ZNF681: variants seen among roughly 807,000 people sequenced by gnomAD.
The protein encoded by ZNF681 is hypothetical protein FLJ31526.
In ZNF681, 37 loss-of-function variants were observed where a neutral mutation model predicts 56.0. The observed-to-expected ratio is 0.66, with a 90% CI of 0.51 to 0.87. The LOEUF is 0.87. Among genes scored for constraint, ZNF681 ranks in the 40% least tolerant of loss-of-function variants. The pLI is 0.00. For missense variants in ZNF681, 741 were observed against 744.9 expected (o/e 0.99, Z 0.06); for synonymous variants, 225 against 248.6 (o/e 0.91, Z 0.89).
rs557585895 is a variant in ZNF681 at position 23,744,702 on chromosome 19, T to C, written c.848A>G (p.Lys283Arg). The C allele has an allele frequency of 1.6e-5, 26 of 1,596,600 alleles. No homozygotes were observed. The South Asian group carries it at 2.6e-4, about 16-fold the overall frequency. ...TIIHTGENPYKREECDKAFNQ... is the reference protein window; with the variant it reads ...TIIHTGENPYRREECDKAFNQ... ...AAAGGCTTTGTCACATTCTTCACGT[T>C]TGTAGGGATTCTCTCCAGTATGAAT... The change falls in exon 4 of 4, where the codon AAA becomes AGA. Residue 283 changes from lysine to arginine, a missense_variant. Lys to Arg is a conservative substitution (Grantham distance 26). Coordinates refer to ENST00000402377, the MANE Select transcript of ZNF681 (RefSeq NM_138286.3).
Position 23,753,110 on chromosome 19 carries a change from T to A in ZNF681, c.226+1713A>T, listed in dbSNP as rs578138301. On this transcript the variant is annotated intron_variant, in intron 3 of 3. Transcript: ENST00000402377. ...ATCGGATAAAATATTTAAAAAATCTTATTTACAGCCAGGCATGGTGGCTCA... is the reference window on the plus strand; with the variant it reads ...ATCGGATAAAATATTTAAAAAATCTAATTTACAGCCAGGCATGGTGGCTCA... Among the ~76,000 whole-genome samples the A allele has an allele frequency of 2.0e-4, 5 of 25,062 alleles. No individual in the cohort carries two copies. The Admixed American group carries it at 2.3e-3, about 11-fold the overall frequency. 16.4% of individuals were successfully genotyped at this position (25,062 alleles called of 152,430 possible).
Position 23,745,235 on chromosome 19 carries a change from T to C in ZNF681, c.315A>G (p.Lys105=). The C allele has an allele frequency of 1.2e-6, 2 of 1,611,574 alleles. No homozygotes were observed. Among genetic ancestry groups the C allele is most frequent in the Non-Finnish European group, 1.7e-6 (2 of 1,179,334 alleles). The change falls in exon 4 of 4, where the codon AAA becomes AAG. Residue 105 remains lysine, a synonymous_variant. Coordinates refer to ENST00000402377, the MANE Select transcript of ZNF681 (RefSeq NM_138286.3). ...FQKVTPRRYG[K]CEHENLQLSK... ...TTAACTGTAAATTCTCATGTTCACA[T>C]TTTCCATATCTTCTTGGTGTCACTT...
intron 3 of ZNF681, 125 bp from the exon 4 acceptor site, chr19:23,745,448 A>G: frequency 1.4e-6 from 1 of 705,992 alleles, no homozygotes; most frequent in East Asian, 3.4e-5. Context: ...CAAAGGCCCT[A>G]ATTTTTTTTT....
At position 23,745,054 on chromosome 19, in the gene ZNF681, TG is replaced by T; in HGVS notation, c.495del (p.Arg166GlufsTer20). 1 of 1,595,964 alleles carries T rather than the reference TG, an allele frequency of 6.3e-7. No homozygotes were observed. The highest frequency in any genetic ancestry group is 1.7e-5 in the Admixed American group (1 of 57,536). On this transcript the variant is annotated frameshift_variant, in exon 4 of 4. Coordinates refer to ENST00000402377, the MANE Select transcript of ZNF681 (RefSeq NM_138286.3). LOFTEE classifies it high-confidence loss of function. ...TCTTTATATTTAAAAGGTTTTTTTC[TG>T]GTGTGTCTTACCTTATGTCCATTTA... ...SNLNGHKVRH[T>X]RKKPFKYKEF...
At chr19:23,750,316 T>A (rs1227904835) in intron 3 of ZNF681, among the ~76,000 whole-genome samples, 7 of 133,250 alleles carry the variant, frequency 5.3e-5, no homozygotes, top group Admixed American at 4.6e-4. Context: ...AAAAAACAAC[T>A]AAGAAAGAAT....
At position 23,739,692 on chromosome 19, in the gene ZNF681, C is replaced by G. The variant is rs577071740; in HGVS notation, c.*3920G>C. The G allele has an allele frequency of 1.3e-5, 2 of 151,994 alleles. No individual in the cohort carries two copies. Among genetic ancestry groups the G allele is most frequent in the Non-Finnish European group, 2.9e-5 (2 of 68,020 alleles). 9.4% of individuals were successfully genotyped at this position (151,994 alleles called of 1,614,324 possible). On this transcript the variant is annotated 3_prime_UTR_variant, in exon 4 of 4. Transcript: ENST00000402377. The stretch of plus-strand genomic sequence containing the variant: ...TGTGAACACAGTAAACAAGTTTGCA[C>G]GCAAAATAATAGAAAATGTTTTTAT...
chr19:23,749,393 T>A (rs1481379513), intron 3 of ZNF681, among the ~76,000 whole-genome samples: 1 of 152,152 alleles, frequency 6.6e-6, no homozygotes, highest in Non-Finnish European at 1.5e-5. Flanking sequence ...AGATGTAAAA[T>A]TTTTAAAAGT....
rs1969168611 is a variant in ZNF681, at chr19:23,758,867, C to T, written c.-118G>A. 7.0e-7 allele frequency: 1 copy of T among 1,434,608 alleles called. No homozygotes were observed. Among genetic ancestry groups the T allele is most frequent in the South Asian group, 1.2e-5 (1 of 80,326 alleles). The allele number at this position is 1,434,608 out of a possible 1,614,324, so 88.9% of individuals were successfully genotyped here. ...GACACAGAGCAGTGAAGACGAGACC[C>T]GGAGCTCGGGCTGAAGGGAGAGACA... On this transcript the variant is annotated 5_prime_UTR_variant, in exon 1 of 4. Coordinates refer to ENST00000402377, the MANE Select transcript of ZNF681 (RefSeq NM_138286.3).
chr19:23,740,667 A>G lies in ZNF681; in HGVS notation c.*2945T>C, dbSNP rs1968864829. The stretch of plus-strand genomic sequence containing the variant: ...GCCCCCCTAGTACTCACCTAAATAA[A>G]TGGGCTCAATCAATATTTACTTATT... On this transcript the variant is annotated 3_prime_UTR_variant, in exon 4 of 4. Coordinates refer to ENST00000402377, the MANE Select transcript of ZNF681 (RefSeq NM_138286.3). The G allele has an allele frequency of 6.6e-6, 1 of 152,142 alleles. No homozygotes were observed. The allele number at this position is 152,142 out of a possible 1,614,324, so 9.4% of individuals were successfully genotyped here.
At chr19:23,758,710 T>C in intron 1 of ZNF681, 37 bp downstream of exon 1, 1 of 1,614,154 alleles carries the variant, frequency 6.2e-7, no homozygotes, top group Non-Finnish European at 8.5e-7. Context: ...CCACAGCCCC[T>C]TCCCCTCTCT....
chr19:23,758,003 A>G (rs1428548367), intron 1 of ZNF681, among the ~76,000 whole-genome samples: 4 of 152,238 alleles, frequency 2.6e-5, no homozygotes, highest in Admixed American at 6.5e-5. Context: ...ATATGTATTA[A>G]CAAGGTAAAA....
intron 2 of ZNF681, among the ~76,000 whole-genome samples, 162 bp downstream of exon 2, chr19:23,755,263 T>C (rs1969094838): frequency 6.6e-6 from 1 of 152,114 alleles, no homozygotes; most frequent in Admixed American, 6.5e-5. Flanking sequence ...TGAAATATCT[T>C]GAAGAAATTC....
rs538305056 is a variant in ZNF681 at position 23,743,786 on chromosome 19, T to A, written c.1764A>T (p.Lys588Asn). The A allele has an allele frequency of 4.3e-6, 7 of 1,613,552 alleles. No homozygotes were observed. In the Admixed American group the frequency reaches 1.2e-4, roughly 27 times the overall value. ...TRHKRIHTGE[K>N]PYQCEKCGKA... is the part of the protein sequence containing the mutation. ...TGCCACATTTTTCACATTGGTAGGG[T>A]TTCTCTCCAGTATGAATTCTCTTAT... is the stretch of plus-strand genomic sequence containing the variant. The change falls in exon 4 of 4, where the codon AAA becomes AAT. Residue 588 changes from lysine (K) to asparagine (N), a missense_variant. Physicochemically the swap from Lys to Asn is moderately conservative, Grantham distance 94 (BLOSUM62 0). Coordinates refer to ENST00000402377, the MANE Select transcript of ZNF681 (RefSeq NM_138286.3).
intron 1 of ZNF681, 39 bp downstream of exon 1, chr19:23,758,708 C>G (rs756131753): frequency 3.7e-6 from 6 of 1,614,176 alleles, no homozygotes; most frequent in Admixed American, 1.7e-5. Context: ...CGCCACAGCC[C>G]CTTCCCCTCT....
chr19:23,745,507 C>T (rs191534991), intron 3 of ZNF681, among the ~76,000 whole-genome samples, 184 bp from the exon 4 acceptor site: 162 of 141,958 alleles, frequency 1.1e-3, no homozygotes, highest in Admixed American at 2.1e-3. Context: ...GGCTGGACTG[C>T]GGTAGTGTGA....
chr19:23,744,587 C>T lies in ZNF681; in HGVS notation c.963G>A (p.Gln321=), dbSNP rs1968914970. ...EYKECGKAFN[Q]SSHLTRHKII... Reference sequence around the variant, plus strand: ...TCTTATGTCTGGTAAGGTGTGAGGACTGGTTGAAAGCTTTGCCACATTCCT... The same window carrying T: ...TCTTATGTCTGGTAAGGTGTGAGGATTGGTTGAAAGCTTTGCCACATTCCT... The change falls in exon 4 of 4, where the codon CAG becomes CAA. Residue 321 remains glutamine (Q), a synonymous_variant. Coordinates refer to ENST00000402377, the MANE Select transcript of ZNF681 (RefSeq NM_138286.3). 6.2e-7 allele frequency: 1 copy of T among 1,613,842 alleles called. No homozygotes were observed. Among genetic ancestry groups the T allele is most frequent in the Non-Finnish European group, 8.5e-7 (1 of 1,179,946 alleles).
chr19:23,745,386 C>T, intron 3 of ZNF681, 63 bp from the exon 4 acceptor site: 1 of 1,289,152 alleles, frequency 7.8e-7, no homozygotes, highest in East Asian at 2.6e-5. Flanking sequence ...CTTTACAAAT[C>T]CAACCTATAC....
chr19:23,746,686 G>A (rs757662637), intron 3 of ZNF681, among the ~76,000 whole-genome samples: 7 of 152,252 alleles, frequency 4.6e-5, no homozygotes, highest in Admixed American at 6.5e-5. Flanking sequence ...TGATGTTTGG[G>A]GAACGTGAAC....
At position 23,744,813 on chromosome 19, in the gene ZNF681, A is replaced by G; in HGVS notation, c.737T>C (p.Ile246Thr). ...NQFTNLTTHKIIYTRDKLYKR... is the reference protein window; with the variant it reads ...NQFTNLTTHKTIYTRDKLYKR... ...GTAGAGTTTGTCTCTAGTATAAATT[A>G]TCTTATGTGTAGTAAGGTTTGTGAA... Residue 246 changes from isoleucine to threonine, a missense_variant, in exon 4 of 4, where the codon ATA becomes ACA. Ile to Thr is a moderately conservative substitution (Grantham distance 89, BLOSUM62 -1). Transcript: ENST00000402377. 3 of 1,613,382 alleles carry G rather than the reference A, an allele frequency of 1.9e-6. No homozygotes were observed. Among genetic ancestry groups the G allele is most frequent in the Non-Finnish European group, 1.7e-6 (2 of 1,179,728 alleles).
Sources: allele counts gnomAD v4.1 joint callset (sites outside exome capture counted in the v4.1 genomes callset), GRCh38; gene constraint gnomAD v4.1.1; transcripts MANE v1.5; gene names NCBI Gene and HGNC (gene_info 2026-07-23, HGNC 2026-07-21).